The following TBC1D2 variants were observed in gnomAD, a reference collection of about 807,000 sequenced individuals.
TBC1D2 encodes the protein TBC1 domain family member 2.
A neutral mutation model predicts 91.1 loss-of-function variants in TBC1D2; 58 were observed. That is an observed-to-expected ratio of 0.64 (90% CI 0.52 to 0.79). TBC1D2 has a LOEUF of 0.79. Among genes scored for constraint, TBC1D2 ranks in the 30% least tolerant of loss-of-function variants. The probability of loss-of-function intolerance (pLI) is 0.00; values close to 1 mark genes in which losing one functional copy is unlikely to be tolerated. For synonymous variants in TBC1D2, 482 were observed against 511.5 expected, an observed-to-expected ratio of 0.94 and a Z score of 0.78; for missense variants, 1,080 against 1,208.3, an observed-to-expected ratio of 0.89 and a Z score of 1.57.
chr9:98,237,138 A>G (rs1191487628), intron 3 of TBC1D2, among the ~76,000 whole-genome samples: 1 of 152,042 alleles, frequency 6.6e-6, no homozygotes, highest in African/African-American at 2.4e-5. Flanking sequence ...GGAGCTCGAG[A>G]CCAGCCTGGC....
intron 5 of TBC1D2, among the ~76,000 whole-genome samples, chr9:98,222,712 C>T (rs952036415): frequency 9.2e-5 from 14 of 152,198 alleles, no homozygotes. Context: ...GCAACACTGC[C>T]CTGCTCTGTG....
At chr9:98,205,616 G>A (rs1828630525) in intron 9 of TBC1D2, among the ~76,000 whole-genome samples, 2 of 152,144 alleles carry the variant, frequency 1.3e-5, no homozygotes, top group Admixed American at 6.5e-5. Context: ...GCATGATCAT[G>A]GCTCACTGCA....
rs771752358 is a variant in TBC1D2, at chr9:98,220,842, C to T, written c.1365G>A (p.Glu455=). Residue 455 remains glutamate (E), a synonymous_variant, in exon 6 of 13, where the codon GAG becomes GAA. Coordinates refer to ENST00000465784, the MANE Select transcript of TBC1D2 (RefSeq NM_001267571.2). ...RDFLSQQGKI[E]HLKDDMEAYR... ...GAGGGGAGGCCCCTACCTTCAGGTG[C>T]TCTATCTTCCCCTGCTGGCTCAGGA... The T allele has an allele frequency of 6.2e-7, 1 of 1,613,914 alleles. No homozygotes were observed. The highest frequency in any genetic ancestry group is 8.5e-7 in the Non-Finnish European group (1 of 1,179,836).
intron 5 of TBC1D2, among the ~76,000 whole-genome samples, chr9:98,224,850 A>AG (rs1326493432): frequency 2.0e-5 from 3 of 152,094 alleles, no homozygotes; most frequent in Admixed American, 1.3e-4. Flanking sequence ...GACTCTAAGG[A>AG]GGGTAGCTCA....
At position 98,199,456 on chromosome 9, in the gene TBC1D2, C is replaced by T. The variant is rs1828422986; in HGVS notation, c.2712G>A (p.Leu904=). The part of the protein sequence containing the change: ...RELEQLKAEY[L]ERRASRRRAV... ...CTCTGCGCCGGGATGCCCGCCTCTC[C>T]AGGTACTCTGCCTTAAGCTGCTCCA... The change falls in exon 13 of 13, where the codon CTG becomes CTA. Residue 904 remains leucine (L), a synonymous_variant. Transcript: ENST00000465784. 5.0e-6 allele frequency: 8 copies of T among 1,614,052 alleles called. No individual in the cohort carries two copies. The highest frequency in any genetic ancestry group is 4.5e-5 in the East Asian group (2 of 44,894).
intron 6 of TBC1D2, among the ~76,000 whole-genome samples, chr9:98,213,730 T>G (rs1393041904): frequency 6.6e-6 from 1 of 152,282 alleles, no homozygotes; most frequent in Non-Finnish European, 1.5e-5. Context: ...AGCTTCCCAG[T>G]GATCATTTTT....
At chr9:98,234,831 G>A (rs1829462032) in intron 3 of TBC1D2, 1 of 197,374 alleles carries the variant, frequency 5.1e-6, no homozygotes, top group South Asian at 1.0e-4. Flanking sequence ...ATATCACTGC[G>A]TCAGGTCAAT....
chr9:98,223,878 T>G (rs1829157200), intron 5 of TBC1D2, among the ~76,000 whole-genome samples: 1 of 152,182 alleles, frequency 6.6e-6, no homozygotes, highest in Non-Finnish European at 1.5e-5. Context: ...AAGTCTGGAT[T>G]ATAAGCAATG....
intron 10 of TBC1D2, among the ~76,000 whole-genome samples, chr9:98,202,946 C>T (rs1343819559): frequency 2.0e-5 from 3 of 152,284 alleles, no homozygotes; most frequent in Non-Finnish European, 4.4e-5. Flanking sequence ...CTTCTCCTGG[C>T]CTAGGCCATG....
At position 98,229,697 on chromosome 9, in the gene TBC1D2, T is replaced by C. The variant is rs566159299; in HGVS notation, c.782-549A>G. ...TTGATTCTTCTTATTCCAAGCTAAG[T>C]TAAGAGATATATTTCCCCCACAGTT... On this transcript the variant is annotated intron_variant, in intron 4 of 12. Transcript: ENST00000465784. 5.2e-4 allele frequency among the ~76,000 whole-genome samples: 79 copies of C among 152,356 alleles called. No homozygotes were observed. In the Middle Eastern group the frequency reaches 0.02, roughly 39 times the overall value.
intron 6 of TBC1D2, among the ~76,000 whole-genome samples, chr9:98,217,711 T>C (rs1829003452): frequency 6.6e-6 from 1 of 152,096 alleles, no homozygotes; most frequent in Admixed American, 6.5e-5. Flanking sequence ...CTCTTTCTCT[T>C]TTTTATTTTT....
chr9:98,214,719 T>G (rs1456356656), intron 6 of TBC1D2, among the ~76,000 whole-genome samples: 1 of 152,124 alleles, frequency 6.6e-6, no homozygotes, highest in Non-Finnish European at 1.5e-5. Flanking sequence ...CCTGGGTGGG[T>G]CTTCACTCTG....
chr9:98,226,419 T>C (rs1409361720), intron 5 of TBC1D2, among the ~76,000 whole-genome samples: 2 of 152,112 alleles, frequency 1.3e-5, no homozygotes, highest in African/African-American at 4.8e-5. Context: ...CCTGCATCTG[T>C]TGGGCAGCTG....
intron 3 of TBC1D2, among the ~76,000 whole-genome samples, chr9:98,242,255 C>T (rs207470393): frequency 1.3e-5 from 2 of 152,002 alleles, no homozygotes; most frequent in Non-Finnish European, 2.9e-5. Context: ...GCCTGGCCAA[C>T]ATAGTGAAAT....
rs184895862 is a variant in TBC1D2, at chr9:98,254,801, C to T, written c.369+372G>A. ...AGACCATATTTTGACTTACTTAGGTCCCAGGTAAGAAAGTTAAGGTAACTG... is the reference window on the plus strand; with the variant it reads ...AGACCATATTTTGACTTACTTAGGTTCCAGGTAAGAAAGTTAAGGTAACTG... On this transcript the variant is annotated intron_variant, in intron 1 of 12. Transcript: ENST00000465784. Among the ~76,000 whole-genome samples the T allele has an allele frequency of 3.9e-5, 6 of 152,264 alleles. No homozygotes were observed. The East Asian group carries it at 9.6e-4, about 24-fold the overall frequency.
At chr9:98,241,594 G>T (rs1265346437) in intron 3 of TBC1D2, among the ~76,000 whole-genome samples, 2 of 152,250 alleles carry the variant, frequency 1.3e-5, no homozygotes, top group East Asian at 3.9e-4. Flanking sequence ...TTCCTTTCTT[G>T]GTCTCTGCAT....
chr9:98,209,479 T>C (rs1243657383), intron 8 of TBC1D2, among the ~76,000 whole-genome samples: 6 of 152,172 alleles, frequency 3.9e-5, no homozygotes, highest in African/African-American at 1.4e-4. Context: ...CCATGCAGCC[T>C]TAGGCCCAAG....
intron 4 of TBC1D2, among the ~76,000 whole-genome samples, chr9:98,231,203 A>C (rs1023026494): frequency 6.7e-6 from 1 of 150,242 alleles, no homozygotes; most frequent in Non-Finnish European, 1.5e-5. Flanking sequence ...GAGTGCCTCA[A>C]GGGCTGACTG....
At position 98,236,552 on chromosome 9, in the gene TBC1D2, A is replaced by C. The variant is rs186262772; in HGVS notation, c.648-3003T>G. 1.5e-3 allele frequency among the ~76,000 whole-genome samples: 227 copies of C among 152,316 alleles called. 2 individuals are homozygous for C. Among genetic ancestry groups the C allele is most frequent in the African/African-American group, 5.3e-3 (221 of 41,566 alleles). On this transcript the variant is annotated intron_variant, in intron 3 of 12. Coordinates refer to ENST00000465784, the MANE Select transcript of TBC1D2 (RefSeq NM_001267571.2). Reference sequence around the variant, plus strand: ...CCAGATTTTTATATTGGTTTTCAGTAAATGTTTATCTATAACATTTCATTA... The same window carrying C: ...CCAGATTTTTATATTGGTTTTCAGTCAATGTTTATCTATAACATTTCATTA...
Sources: allele counts gnomAD v4.1 joint callset (sites outside exome capture counted in the v4.1 genomes callset), GRCh38; gene constraint gnomAD v4.1.1; transcripts MANE v1.5; gene names NCBI Gene and HGNC (gene_info 2026-07-23, HGNC 2026-07-21).